FBXO3: variants seen among roughly 807,000 people sequenced by gnomAD.
FBXO3 encodes the protein F-box only protein 3.
Under a neutral mutation model 64.8 loss-of-function variants are expected in FBXO3, and 17 were observed. The observed-to-expected ratio is 0.26, with a 90% CI of 0.18 to 0.39. The LOEUF is 0.39. FBXO3 is among the 10% of genes least tolerant of loss of function. The pLI is 1.00. For missense variants in FBXO3, 420 were observed against 589.9 expected, an observed-to-expected ratio of 0.71 and a Z score of 2.98; for synonymous variants, 182 against 201.6, an observed-to-expected ratio of 0.90 and a Z score of 0.82.
At chr11:33,759,167 T>C (rs1450335162) in intron 3 of FBXO3, among the ~76,000 whole-genome samples, 2 of 152,212 alleles carry the variant, frequency 1.3e-5, no homozygotes, top group East Asian at 3.8e-4. Flanking sequence ...ACCAGGTTGT[T>C]GGACTAAACC....
intron 2 of FBXO3, among the ~76,000 whole-genome samples, chr11:33,770,475 C>T (rs1055646652): frequency 9.9e-5 from 15 of 152,166 alleles, no homozygotes; most frequent in Admixed American, 9.8e-4. Flanking sequence ...GTGGGGAAGT[C>T]AGGGAGGGAG....
At chr11:33,767,339 G>A (rs1310261125) in intron 3 of FBXO3, among the ~76,000 whole-genome samples, 4 of 151,920 alleles carry the variant, frequency 2.6e-5, no homozygotes, top group Non-Finnish European at 4.4e-5. Context: ...TTGCTCTGTC[G>A]CCCAGGCTGG....
In FBXO3 at chr11:33,746,691, C is replaced by T. The variant is rs1038138941; in HGVS notation, c.1239+439G>A. ...GATTTTAAAAAATATACCTAGTTGA[C>T]TTAAGAAATGATCCCAGAGAGACTG... On this transcript the variant is annotated intron_variant, in intron 10 of 10. Coordinates refer to ENST00000265651, the MANE Select transcript of FBXO3 (RefSeq NM_012175.4). The T allele has an allele frequency of 1.6e-4, 210 of 1,338,548 alleles. 1 individual carries two copies. The highest frequency in any genetic ancestry group is 2.0e-4 in the Non-Finnish European group (198 of 981,968). The allele number at this position is 1,338,548 out of a possible 1,614,324, so 82.9% of individuals were successfully genotyped here. A position where few individuals can be genotyped will look rare whatever the true frequency, so the allele number is the denominator to read the frequency against.
chr11:33,748,976 C>CCTG, intron 8 of FBXO3, 84 bp from the exon 9 acceptor site: 1 of 738,732 alleles, frequency 1.4e-6, no homozygotes. Flanking sequence ...CAGGCTAATA[C>CCTG]TATGAAGAAA....
chr11:33,761,189 T>C (rs910264074), intron 3 of FBXO3, among the ~76,000 whole-genome samples: 1 of 152,010 alleles, frequency 6.6e-6, no homozygotes, highest in South Asian at 2.1e-4. Flanking sequence ...TTAAGAAGAT[T>C]ACAGAAATGG....
chr11:33,754,326 A>G, intron 6 of FBXO3, 129 bp downstream of exon 6: 1 of 698,764 alleles, frequency 1.4e-6, no homozygotes, highest in Non-Finnish European at 2.4e-6. Flanking sequence ...ATAAACCAGC[A>G]AACCTTAAAG....
intron 3 of FBXO3, among the ~76,000 whole-genome samples, chr11:33,763,839 T>C (rs1855302048): frequency 6.6e-6 from 1 of 152,178 alleles, no homozygotes; most frequent in South Asian, 2.1e-4. Context: ...ACAACTGTCA[T>C]TATTCTACAT....
At chr11:33,765,773 A>T (rs930604082) in intron 3 of FBXO3, among the ~76,000 whole-genome samples, 1 of 152,118 alleles carries the variant, frequency 6.6e-6, no homozygotes, top group Non-Finnish European at 1.5e-5. Flanking sequence ...GTGACTTCTC[A>T]TGAGATCTGG....
At chr11:33,766,578 CTA>C (rs1242892566) in intron 3 of FBXO3, among the ~76,000 whole-genome samples, 12 of 152,162 alleles carry the variant, frequency 7.9e-5, no homozygotes, top group Non-Finnish European at 7.3e-5. Context: ...CCTTCCAACT[CTA>C]AAATTCTAAG....
chr11:33,750,267 T>C (rs1289652655), intron 8 of FBXO3, among the ~76,000 whole-genome samples: 1 of 152,228 alleles, frequency 6.6e-6, no homozygotes, highest in Non-Finnish European at 1.5e-5. Context: ...GAAGCTTTAA[T>C]GACGACTACA....
intron 6 of FBXO3, among the ~76,000 whole-genome samples, chr11:33,752,537 G>A (rs769778271): frequency 6.6e-6 from 1 of 152,050 alleles, no homozygotes; most frequent in Non-Finnish European, 1.5e-5. Context: ...ATACAATTTG[G>A]CTTATATCTA....
intron 6 of FBXO3, among the ~76,000 whole-genome samples, chr11:33,752,765 G>A (rs759527529): frequency 7.3e-5 from 11 of 150,666 alleles, no homozygotes; most frequent in Non-Finnish European, 1.2e-4. Context: ...ATAATTTTAC[G>A]TTTTTAGCAC....
intron 3 of FBXO3, among the ~76,000 whole-genome samples, chr11:33,759,459 T>C (rs1855190232): frequency 6.6e-6 from 1 of 152,150 alleles, no homozygotes; most frequent in African/African-American, 2.4e-5. Context: ...CCCAAGGTTT[T>C]TGGGCTAGGA....
intron 10 of FBXO3, chr11:33,746,624 G>T: frequency 1.4e-6 from 1 of 737,988 alleles, no homozygotes; most frequent in Non-Finnish European, 2.4e-6. Flanking sequence ...CTCTAAGGTT[G>T]GAGTTACTGT....
At chr11:33,742,200 C>A (rs1281291330) in intron 10 of FBXO3, 116 bp from the exon 11 acceptor site, 10 of 978,526 alleles carry the variant, frequency 1.0e-5, no homozygotes, top group Non-Finnish European at 1.4e-5. Flanking sequence ...ATATGAATTT[C>A]CATAGACTTG....
At chr11:33,767,392 C>T (rs7126362) in intron 3 of FBXO3, among the ~76,000 whole-genome samples, 43,396 of 152,122 alleles carry the variant, frequency 0.29, 6,591 homozygotes, top group African/African-American at 0.38. Context: ...CTCCGCTTGC[C>T]GGGTTCACGC....
In FBXO3 at chr11:33,742,037, C is replaced by T. The variant is rs1854700123; in HGVS notation, c.1287G>A (p.Glu429=). 6.3e-7 allele frequency: 1 copy of T among 1,584,344 alleles called. No individual in the cohort carries two copies. Among genetic ancestry groups the T allele is most frequent in the Non-Finnish European group, 8.6e-7 (1 of 1,157,822 alleles). ...CATCATCCTCGTCTTCCTCCTCTTC[C>T]TCCTCCTCCTCTTCTTCCATCTCTT... is the stretch of plus-strand genomic sequence containing the variant. ...EYEEMEEEEE[E]EEEEDEDDDS... Residue 429 remains glutamate, a synonymous_variant, in exon 11 of 11, where the codon GAG becomes GAA. Coordinates refer to ENST00000265651, the MANE Select transcript of FBXO3 (RefSeq NM_012175.4).
intron 3 of FBXO3, among the ~76,000 whole-genome samples, chr11:33,761,572 C>T (rs536837602): frequency 2.6e-5 from 4 of 152,152 alleles, no homozygotes; most frequent in South Asian, 2.1e-4. Context: ...AAGATATCTA[C>T]GATCACAGTG....
chr11:33,752,345 A>T (rs1016955618), intron 6 of FBXO3, among the ~76,000 whole-genome samples: 1 of 152,110 alleles, frequency 6.6e-6, no homozygotes, highest in African/African-American at 2.4e-5. Context: ...CAGACCCCCC[A>T]TTATTTACTG....
Sources: allele counts gnomAD v4.1 joint callset (sites outside exome capture counted in the v4.1 genomes callset), GRCh38; gene constraint gnomAD v4.1.1; transcripts MANE v1.5; gene names NCBI Gene and HGNC (gene_info 2026-07-23, HGNC 2026-07-21).